The following NEDD4 variants were observed in gnomAD, a reference collection of about 807,000 sequenced individuals.
NEDD4 encodes the protein E3 ubiquitin-protein ligase NEDD4.
In NEDD4, 99 loss-of-function variants were observed where a neutral mutation model predicts 144.9. The observed-to-expected ratio is 0.68, with a 90% CI of 0.58 to 0.81. The LOEUF (loss-of-function observed/expected upper bound fraction) is 0.81. NEDD4 is among the 30% of genes least tolerant of loss of function. The pLI, the probability that NEDD4 is intolerant of heterozygous loss-of-function variation, is 0.00. For synonymous variants in NEDD4, 318 were observed against 350.6 expected, an observed-to-expected ratio of 0.91 and a Z score of 1.04; for missense variants, 985 against 1,065.9, an observed-to-expected ratio of 0.92 and a Z score of 1.06.
chr15:55,888,183 A>G (rs1410310527), intron 5 of NEDD4, among the ~76,000 whole-genome samples: 1 of 152,208 alleles, frequency 6.6e-6, no homozygotes, highest in Non-Finnish European at 1.5e-5. Context: ...TTGGAAAGGA[A>G]GAAGTCACAT....
chr15:55,912,385 T>C (rs1376632190), intron 5 of NEDD4, among the ~76,000 whole-genome samples: 3 of 152,258 alleles, frequency 2.0e-5, no homozygotes, highest in African/African-American at 4.8e-5. Context: ...AGTTCTACTA[T>C]ACTAGGCTTA....
intron 13 of NEDD4, among the ~76,000 whole-genome samples, chr15:55,851,482 G>GTT (rs762627706): frequency 2.1e-5 from 3 of 144,712 alleles, no homozygotes; most frequent in Admixed American, 1.4e-4. Flanking sequence ...TTTCTTTTCT[G>GTT]TTTTTTTTTT....
At chr15:55,852,241 G>C (rs565377580) in intron 13 of NEDD4, among the ~76,000 whole-genome samples, 183 bp downstream of exon 13, 1 of 151,748 alleles carries the variant, frequency 6.6e-6, no homozygotes, top group African/African-American at 2.4e-5. Context: ...GGTGCAGTGA[G>C]CCACGATCAC....
At chr15:55,973,577 T>C (rs2037649584) in intron 1 of NEDD4, among the ~76,000 whole-genome samples, 1 of 151,998 alleles carries the variant, frequency 6.6e-6, no homozygotes, top group African/African-American at 2.4e-5. Flanking sequence ...CTTAAAAGTA[T>C]CTTCTCTGAC....
At chr15:55,986,300 A>G (rs1307179644) in intron 1 of NEDD4, among the ~76,000 whole-genome samples, 1 of 152,210 alleles carries the variant, frequency 6.6e-6, no homozygotes, top group Admixed American at 6.5e-5. Context: ...TAATCTTACG[A>G]TATGTCCCCT....
intron 4 of NEDD4, among the ~76,000 whole-genome samples, chr15:55,929,872 A>C (rs887902066): frequency 4.6e-5 from 7 of 152,174 alleles, no homozygotes; most frequent in African/African-American, 1.7e-4. Flanking sequence ...TTGCATCCAT[A>C]AAACAAAAAC....
chr15:55,878,243 A>G (rs2035062080), intron 5 of NEDD4, among the ~76,000 whole-genome samples: 1 of 152,206 alleles, frequency 6.6e-6, no homozygotes, highest in South Asian at 2.1e-4. Flanking sequence ...GAGTATTACC[A>G]CAAATAAAAA....
At chr15:55,948,948 A>G (rs1220124786) in intron 4 of NEDD4, among the ~76,000 whole-genome samples, 14 of 152,236 alleles carry the variant, frequency 9.2e-5, no homozygotes, top group Admixed American at 9.2e-4. Context: ...GCCAGAATTG[A>G]CAAATGGGAT....
chr15:55,992,547 T>A lies in NEDD4; in HGVS notation c.45+964A>T, dbSNP rs12323965. 9.3e-3 allele frequency among the ~76,000 whole-genome samples: 1,418 copies of A among 152,026 alleles called. 30 individuals are homozygous for A. The highest frequency in any genetic ancestry group is 0.033 in the African/African-American group (1,360 of 41,538). The stretch of plus-strand genomic sequence containing the variant: ...ATAAAAGGTACATGTGGCAGCTTAG[T>A]CAGCCAACAAGAAAGCAAAAAACTT... On this transcript the variant is annotated intron_variant, in intron 1 of 28. Transcript: ENST00000435532.
intron 4 of NEDD4, among the ~76,000 whole-genome samples, chr15:55,944,547 C>G (rs1056688657): frequency 1.3e-5 from 2 of 152,218 alleles, no homozygotes; most frequent in Admixed American, 1.3e-4. Flanking sequence ...TAGACTCAAC[C>G]TCTGTGAGCA....
intron 8 of NEDD4, among the ~76,000 whole-genome samples, chr15:55,864,043 G>T (rs1276659547): frequency 2.0e-5 from 3 of 152,194 alleles, no homozygotes; most frequent in Non-Finnish European, 4.4e-5. Context: ...GTTTCTCAGA[G>T]ATTAACAAGG....
Position 55,869,667 on chromosome 15 carries a change from A to T in NEDD4, c.419T>A (p.Val140Asp), listed in dbSNP as rs757702188. The T allele has an allele frequency of 1.9e-6, 3 of 1,551,600 alleles. No individual in the cohort carries two copies. The African/African-American group carries it at 4.1e-5, about 21-fold the overall frequency. ...CATTTTTAGTCTCAGATAACCTTTA[A>T]CTCTTGATTTGTGACTGTAGAAAAG... is the stretch of plus-strand genomic sequence containing the variant. ...VLHPRSHKSR[V>D]KGYLRLKMTY... The change falls in exon 8 of 29, where the codon GTT becomes GAT. Residue 140 changes from valine (V) to aspartate (D), a missense_variant. Transcript: ENST00000435532.
chr15:55,944,863 C>CA, intron 4 of NEDD4, among the ~76,000 whole-genome samples: 1 of 152,258 alleles, frequency 6.6e-6, no homozygotes, highest in South Asian at 2.1e-4. Flanking sequence ...GATACCCAAG[C>CA]AAACAGGGTC....
chr15:55,905,703 C>G (rs534451859), intron 5 of NEDD4, among the ~76,000 whole-genome samples: 43 of 152,276 alleles, frequency 2.8e-4, no homozygotes, highest in South Asian at 2.3e-3. Context: ...TTATATCCTT[C>G]GCCCACTTGT....
At chr15:55,930,720 A>T (rs1309176743) in intron 4 of NEDD4, among the ~76,000 whole-genome samples, 3 of 152,194 alleles carry the variant, frequency 2.0e-5, no homozygotes, top group Non-Finnish European at 2.9e-5. Flanking sequence ...AGTTTCCCCC[A>T]TACTGTTCTC....
At chr15:55,901,845 G>A (rs1423737318) in intron 5 of NEDD4, among the ~76,000 whole-genome samples, 1 of 151,982 alleles carries the variant, frequency 6.6e-6, no homozygotes, top group Non-Finnish European at 1.5e-5. Context: ...ACTCTTTATT[G>A]AGCATCAAGT....
chr15:55,978,185 T>C (rs1403960623), intron 1 of NEDD4, among the ~76,000 whole-genome samples: 1 of 152,120 alleles, frequency 6.6e-6, no homozygotes, highest in African/African-American at 2.4e-5. Flanking sequence ...GTAACAAGCA[T>C]TAATCAAAAA....
intron 1 of NEDD4, among the ~76,000 whole-genome samples, chr15:55,969,369 C>T (rs2037570241): frequency 6.6e-6 from 1 of 152,186 alleles, no homozygotes; most frequent in Admixed American, 6.5e-5. Context: ...ACCATAAGGA[C>T]TGCAGTCCCT....
intron 5 of NEDD4, among the ~76,000 whole-genome samples, chr15:55,895,562 T>G (rs1225812755): frequency 6.6e-6 from 1 of 152,252 alleles, no homozygotes; most frequent in Non-Finnish European, 1.5e-5. Context: ...AGTTTCAAGA[T>G]TCAGGCTGAA....
Sources: allele counts gnomAD v4.1 joint callset (sites outside exome capture counted in the v4.1 genomes callset), GRCh38; gene constraint gnomAD v4.1.1; transcripts MANE v1.5; gene names NCBI Gene and HGNC (gene_info 2026-07-23, HGNC 2026-07-21).